The following RAB17 variants were observed in gnomAD, a reference collection of about 807,000 sequenced individuals.
The protein encoded by RAB17 is RAB17, member RAS oncogene family, also known as ras-related protein Rab-17.
In RAB17, 15 loss-of-function variants were observed where a neutral mutation model predicts 19.3. That is an observed-to-expected ratio of 0.78 (90% CI 0.52 to 1.20). RAB17 has a LOEUF of 1.20. Among genes scored for constraint, RAB17 ranks in the 50% most tolerant of loss-of-function variants. The pLI is 0.00. For missense variants in RAB17, 262 were observed against 269.3 expected (o/e 0.97, Z 0.19); for synonymous variants, 110 against 112.8 (o/e 0.97, Z 0.16).
At position 237,575,375 on chromosome 2, in the gene RAB17, G is replaced by T; in HGVS notation, c.529+12C>A. On this transcript the variant is annotated intron_variant, in intron 5 of 5. Coordinates refer to ENST00000264601, the MANE Select transcript of RAB17 (RefSeq NM_022449.4). Reference sequence around the variant, plus strand: ...ACCTCCCCCTTGTCTGGCCCACGGGGACGTGACTCACCCACTGTATTGAAC... The same window carrying T: ...ACCTCCCCCTTGTCTGGCCCACGGGTACGTGACTCACCCACTGTATTGAAC... 6.3e-7 allele frequency: 1 copy of T among 1,599,482 alleles called. No individual in the cohort carries two copies. Among genetic ancestry groups the T allele is most frequent in the Non-Finnish European group, 8.5e-7 (1 of 1,169,780 alleles).
At chr2:237,589,806 T>C (rs78705023) in intron 1 of RAB17, among the ~76,000 whole-genome samples, 2,555 of 152,232 alleles carry the variant, frequency 0.017, 78 homozygotes, top group African/African-American at 0.058. Context: ...CTTTTTAATC[T>C]CTTGCACCTC....
In RAB17 at chr2:237,586,140, G is replaced by C. The variant is rs763903622; in HGVS notation, c.15C>G (p.His5Gln). 2.5e-6 allele frequency: 4 copies of C among 1,602,176 alleles called. No individual in the cohort carries two copies. Among genetic ancestry groups the C allele is most frequent in the Non-Finnish European group, 3.4e-6 (4 of 1,175,528 alleles). ...GGGCAGCCCTGGGCTGGGGGGTCCT[G>C]TGTGCCTGTGCCATGCCCTGCAAAG... Reference protein sequence around the residue: MAQAHRTPQPRAAPS... With the variant: MAQAQRTPQPRAAPS... Residue 5 changes from histidine (H) to glutamine (Q), a missense_variant, in exon 2 of 6, where the codon CAC becomes CAG. By Grantham distance (24) the His-to-Gln change is conservative (BLOSUM62 0). Transcript: ENST00000264601.
intron 2 of RAB17, among the ~76,000 whole-genome samples, 198 bp downstream of exon 2, chr2:237,585,800 G>A (rs909950464): frequency 2.6e-4 from 40 of 152,156 alleles, no homozygotes; most frequent in African/African-American, 9.2e-4. Context: ...CCAGAGCCAA[G>A]GGCATTTCCT....
Position 237,575,454 on chromosome 2 carries a change from C to A in RAB17, c.462G>T (p.Gln154His), listed in dbSNP as rs2149180404. Reference protein sequence around the residue: ...FQEGKEFADSQKLLFMETSAK... With the variant: ...FQEGKEFADSHKLLFMETSAK... ...CCGAAGTTTCCATGAACAGCAACTT[C>A]TGGCTGTCGGCAAACTCCTTCCCTT... The change falls in exon 5 of 6, where the codon CAG (glutamine) becomes CAT (histidine). Residue 154 changes from glutamine to histidine, a missense_variant. Physicochemically the swap from Gln to His is conservative, Grantham distance 24 (BLOSUM62 0). Coordinates refer to ENST00000264601, the MANE Select transcript of RAB17 (RefSeq NM_022449.4). 1 of 1,611,996 alleles carries A rather than the reference C, an allele frequency of 6.2e-7. No homozygotes were observed. Among genetic ancestry groups the A allele is most frequent in the East Asian group, 2.2e-5 (1 of 44,852 alleles).
rs193080229 is a variant in RAB17, at chr2:237,586,247, G to A, written c.-3-90C>T. 388 of 1,398,314 alleles carry A rather than the reference G, an allele frequency of 2.8e-4. 1 individual carries two copies. The highest frequency in any genetic ancestry group is 9.4e-4 in the Admixed American group (40 of 42,772). 86.6% of individuals were successfully genotyped at this position (1,398,314 alleles called of 1,614,324 possible). ...AACCCCGGGGCTGCTTCTCGGTCAG[G>A]AGCAGATGGCCCAATACAGAGCTCC... On this transcript the variant is annotated intron_variant, in intron 1 of 5. Transcript: ENST00000264601.
chr2:237,586,445 T>G (rs576923051), intron 1 of RAB17, among the ~76,000 whole-genome samples: 41 of 152,196 alleles, frequency 2.7e-4, no homozygotes, highest in African/African-American at 8.9e-4. Context: ...AATGATTACA[T>G]GTGACGGTCT....
chr2:237,578,334 C>A lies in RAB17; in HGVS notation c.158-179G>T, dbSNP rs926750021. ...CAGTTCTTCTGGGAGATGGAGCCTT[C>A]CACATCGAGCAAAGTGTTGGGAGTG... On this transcript the variant is annotated intron_variant, in intron 2 of 5. Coordinates refer to ENST00000264601, the MANE Select transcript of RAB17 (RefSeq NM_022449.4). 8.4e-6 allele frequency: 5 copies of A among 594,704 alleles called. No homozygotes were observed. In the African/African-American group the frequency reaches 9.3e-5, roughly 11 times the overall value. 36.8% of individuals were successfully genotyped at this position (594,704 alleles called of 1,614,324 possible).
chr2:237,576,788 G>T (rs554330347), intron 4 of RAB17: 6 of 464,852 alleles, frequency 1.3e-5, no homozygotes, highest in South Asian at 7.8e-5. Context: ...GACAAAACTC[G>T]AGTGAAGGAG....
chr2:237,588,487 C>T (rs551857700), intron 1 of RAB17, among the ~76,000 whole-genome samples: 6 of 152,184 alleles, frequency 3.9e-5, no homozygotes, highest in South Asian at 2.1e-4. Context: ...GCAGATGATC[C>T]GCTCAAGTCA....
chr2:237,579,992 C>T (rs1269659517), intron 2 of RAB17, among the ~76,000 whole-genome samples: 1 of 152,228 alleles, frequency 6.6e-6, no homozygotes, highest in Non-Finnish European at 1.5e-5. Flanking sequence ...ACTGTCGGGA[C>T]TGAACCGGCT....
At chr2:237,579,411 T>C (rs918608786) in intron 2 of RAB17, 2 of 152,148 alleles carry the variant, frequency 1.3e-5, no homozygotes, top group Non-Finnish European at 2.9e-5. Context: ...GTTGGTTCCT[T>C]CCGGAGACTG....
chr2:237,575,382 C>T lies in RAB17; in HGVS notation c.529+5G>A, dbSNP rs767284036. ...CCTTGTCTGGCCCACGGGGACGTGA[C>T]TCACCCACTGTATTGAACACCTCCG... On this transcript the variant is annotated splice_donor_5th_base_variant and intron_variant, in intron 5 of 5. Coordinates refer to ENST00000264601, the MANE Select transcript of RAB17 (RefSeq NM_022449.4). 21 of 1,604,108 alleles carry T rather than the reference C, an allele frequency of 1.3e-5. No individual in the cohort carries two copies. The African/African-American group carries it at 2.3e-4, about 17-fold the overall frequency.
chr2:237,590,262 T>A (rs2081383941), intron 1 of RAB17, among the ~76,000 whole-genome samples: 1 of 151,878 alleles, frequency 6.6e-6, no homozygotes, highest in Admixed American at 6.6e-5. Flanking sequence ...CCATCAGAAA[T>A]CTGAACTAGG....
intron 1 of RAB17, among the ~76,000 whole-genome samples, chr2:237,586,523 T>C (rs1299458996): frequency 6.6e-6 from 1 of 152,160 alleles, no homozygotes; most frequent in Non-Finnish European, 1.5e-5. Context: ...CCAAAGTATC[T>C]AATGCAAGGA....
chr2:237,576,689 T>C (rs751248319), intron 4 of RAB17: 8 of 471,218 alleles, frequency 1.7e-5, no homozygotes, highest in South Asian at 1.2e-4. Context: ...ACGGTCTTCG[T>C]CCTAAATGTG....
At chr2:237,585,164 C>A (rs2081339815) in intron 2 of RAB17, among the ~76,000 whole-genome samples, 1 of 150,016 alleles carries the variant, frequency 6.7e-6, no homozygotes. Flanking sequence ...CTAACGCAGG[C>A]CTGCAAAAGG....
intron 4 of RAB17, among the ~76,000 whole-genome samples, chr2:237,576,168 G>T (rs990307179): frequency 4.3e-4 from 65 of 152,102 alleles, no homozygotes; most frequent in African/African-American, 1.5e-3. Context: ...AGCAGGTGTG[G>T]CCGGCCATGC....
At position 237,574,602 on chromosome 2, in the gene RAB17, A is replaced by AC. The variant is rs1182719546; in HGVS notation, c.*416dup. Reference sequence around the variant, plus strand: ...CCACCTCCATCTGGCCTGCTCCCCAACCCCCCAGAAGCAGGTGGGCCCAGG... The same window carrying AC: ...CCACCTCCATCTGGCCTGCTCCCCAACCCCCCCAGAAGCAGGTGGGCCCAGG... On this transcript the variant is annotated 3_prime_UTR_variant, in exon 6 of 6. Transcript: ENST00000264601. The AC allele has an allele frequency of 8.5e-6, 13 of 1,535,296 alleles. No homozygotes were observed. The East Asian group carries it at 9.9e-5, about 12-fold the overall frequency.
chr2:237,575,314 G>T, intron 5 of RAB17, 73 bp downstream of exon 5: 1 of 1,279,860 alleles, frequency 7.8e-7, no homozygotes, highest in Non-Finnish European at 1.1e-6. Context: ...CACGTCACCA[G>T]CAACAGGGAC....
Sources: allele counts gnomAD v4.1 joint callset (sites outside exome capture counted in the v4.1 genomes callset), GRCh38; gene constraint gnomAD v4.1.1; transcripts MANE v1.5; gene names NCBI Gene and HGNC (gene_info 2026-07-23, HGNC 2026-07-21).